STXBP2: variants seen among roughly 807,000 people sequenced by gnomAD.
STXBP2 encodes syntaxin binding protein 2, also known as syntaxin-binding protein 2.
Under a neutral mutation model 72.2 loss-of-function variants are expected in STXBP2, and 47 were observed. The observed-to-expected ratio is 0.65, with a 90% CI of 0.51 to 0.83. STXBP2 has a LOEUF of 0.83. Ranked by LOEUF, STXBP2 falls within the 40% of genes least tolerant of loss-of-function variation. The pLI, the probability that STXBP2 is intolerant of heterozygous loss-of-function variation, is 0.00. For synonymous variants in STXBP2, 367 were observed against 338.7 expected, an observed-to-expected ratio of 1.08 and a Z score of -0.92; for missense variants, 702 against 807.6, an observed-to-expected ratio of 0.87 and a Z score of 1.58.
At chr19:7,637,542 G>T (rs760474637) in intron 1 of STXBP2, among the ~76,000 whole-genome samples, 6 of 152,018 alleles carry the variant, frequency 3.9e-5, no homozygotes, top group Non-Finnish European at 8.8e-5. Flanking sequence ...AAAGTTCAGG[G>T]GCTGGATTCT....
chr19:7,646,083 T>C (rs570232399), intron 15 of STXBP2, 166 bp from the exon 16 acceptor site: 42 of 628,860 alleles, frequency 6.7e-5, no homozygotes, highest in East Asian at 4.7e-4. Context: ...GGCTCACTGT[T>C]TCTCTCTCTC....
In STXBP2 at chr19:7,640,953, G is replaced by A. The variant is rs764141843; in HGVS notation, c.379G>A (p.Val127Met). 12 of 1,614,210 alleles carry A rather than the reference G, an allele frequency of 7.4e-6. No homozygotes were observed. Among genetic ancestry groups the A allele is most frequent in the East Asian group, 4.5e-5 (2 of 44,890 alleles). The change falls in exon 6 of 19, where the codon GTG (valine) becomes ATG (methionine). Residue 127 changes from valine to methionine, a missense_variant. Coordinates refer to ENST00000221283, the MANE Select transcript of STXBP2 (RefSeq NM_006949.4). ...ELGRSRLAKV[V>M]KTLKEIHLAF... The stretch of plus-strand genomic sequence containing the variant: ...AGGCCGCTCTCGTCTGGCAAAGGTG[G>A]TGAAGACGTTGAAGGAGATTCACCT...
chr19:7,633,413 A>G, upstream of STXBP2: 3 of 1,570,836 alleles, frequency 1.9e-6, no homozygotes, highest in Non-Finnish European at 1.7e-6. Flanking sequence ...TCACCTCGGC[A>G]CAGGGGCCTG....
chr19:7,644,428 G>A, intron 13 of STXBP2, 186 bp from the exon 14 acceptor site: 1 of 720,830 alleles, frequency 1.4e-6, no homozygotes, highest in Admixed American at 2.5e-5. Context: ...TGGGACCTGG[G>A]TGAGGAGCAG....
At chr19:7,643,532 A>G (rs2031981961) in intron 13 of STXBP2, among the ~76,000 whole-genome samples, 1 of 150,500 alleles carries the variant, frequency 6.6e-6, no homozygotes, top group Non-Finnish European at 1.5e-5. Context: ...AATGTGGCCT[A>G]TTCATAGGTG....
chr19:7,629,849 G>C, the STXBP2 span: 1 of 1,535,566 alleles, frequency 6.5e-7, no homozygotes, highest in Non-Finnish European at 8.7e-7. Context: ...GGTGAAGCTG[G>C]AGATATTTCG....
At chr19:7,630,238 C>T in the STXBP2 span, 6 of 450,924 alleles carry the variant, frequency 1.3e-5, no homozygotes, top group African/African-American at 8.0e-5. Context: ...GTGACGCCTC[C>T]TGGGTTTGGG....
the STXBP2 span, chr19:7,630,559 C>T: frequency 6.5e-7 from 1 of 1,532,696 alleles, no homozygotes; most frequent in Non-Finnish European, 8.8e-7. Context: ...CTCACCCACC[C>T]TCTGCCATTC....
chr19:7,645,589 G>GGGAGGGA (rs1457947155), intron 15 of STXBP2, among the ~76,000 whole-genome samples: 10 of 107,912 alleles, frequency 9.3e-5, no homozygotes, highest in Admixed American at 8.6e-4. Context: ...GAGTGCTAGA[G>GGGAGGGA]GCAGGGAGTA....
chr19:7,643,180 C>T lies in STXBP2; in HGVS notation c.1042C>T (p.His348Tyr), dbSNP rs2031966598. The change falls in exon 13 of 19, where the codon CAT becomes TAT. Residue 348 changes from histidine (H) to tyrosine (Y), a missense_variant. His to Tyr is a moderately conservative substitution (Grantham distance 83). Transcript: ENST00000221283. ...CACCCTGCAGTATTCTACGCACCTG[C>T]ATCTAGCAGATGATTGTATGAAGCA... ...KELNKYSTHL[H>Y]LADDCMKHFK... 1 of 1,614,154 alleles carries T rather than the reference C, an allele frequency of 6.2e-7. No individual in the cohort carries two copies. Among genetic ancestry groups the T allele is most frequent in the Non-Finnish European group, 8.5e-7 (1 of 1,180,030 alleles).
upstream of STXBP2, chr19:7,632,182 A>G: frequency 1.3e-6 from 1 of 755,640 alleles, no homozygotes; most frequent in South Asian, 2.0e-5. The surrounding 1 kb of genome is among the most constrained non-coding windows in gnomAD (Gnocchi z 5.2). Context: ...AGGAGCCACA[A>G]GTTCCAGCCA....
the STXBP2 span, chr19:7,631,649 GT>G: frequency 6.9e-7 from 1 of 1,454,334 alleles, no homozygotes; most frequent in Admixed American, 2.3e-5. Context: ...TCTTTTATCA[GT>G]TTTTGGGGGC....
At chr19:7,631,924 T>C, upstream of STXBP2, 1 of 1,072,702 alleles carries the variant, frequency 9.3e-7, no homozygotes, top group African/African-American at 1.6e-5. Context: ...TTGTGAGCAC[T>C]GGTCTATGTT....
chr19:7,639,116 C>T lies in STXBP2; in HGVS notation c.169+16C>T, dbSNP rs780027532. ...GGCATCACCAGTGAGTGAACGCGTC[C>T]CCAGTGAGATGGGACCTGAGCGTGG... On this transcript the variant is annotated intron_variant, in intron 3 of 18. Coordinates refer to ENST00000221283, the MANE Select transcript of STXBP2 (RefSeq NM_006949.4). The T allele has an allele frequency of 6.2e-7, 1 of 1,613,782 alleles. No homozygotes were observed. The highest frequency in any genetic ancestry group is 8.5e-7 in the Non-Finnish European group (1 of 1,179,798).
the STXBP2 span, chr19:7,629,937 G>A: frequency 1.4e-6 from 2 of 1,410,916 alleles, no homozygotes; most frequent in Non-Finnish European, 9.3e-7. Context: ...GGAAATGGGG[G>A]GACTTCAAAG....
In STXBP2 at chr19:7,647,192, C is replaced by A; in HGVS notation, c.1483C>A (p.Leu495Met). Residue 495 changes from leucine to methionine, a missense_variant, in exon 17 of 19, where the codon CTG becomes ATG. By Grantham distance (15) the Leu-to-Met change is conservative. Transcript: ENST00000221283. ...DAVEDRLDRN[L>M]WPFVSDPAPT... Reference sequence around the variant, plus strand: ...CGTGGAGGACCGGCTGGACAGGAACCTGTGGCCCTTCGTATCCGACCCCGC... The same window carrying A: ...CGTGGAGGACCGGCTGGACAGGAACATGTGGCCCTTCGTATCCGACCCCGC... 6.2e-7 allele frequency: 1 copy of A among 1,612,066 alleles called. No homozygotes were observed. The highest frequency in any genetic ancestry group is 1.7e-5 in the Admixed American group (1 of 60,016).
intron 15 of STXBP2, 131 bp downstream of exon 15, chr19:7,645,437 A>G (rs2032095198): frequency 2.3e-6 from 2 of 882,568 alleles, no homozygotes; most frequent in Admixed American, 2.2e-5. Context: ...TGGGAGGCCA[A>G]AAGCAGTGTT....
the STXBP2 span, chr19:7,631,517 G>A: frequency 2.0e-6 from 3 of 1,536,218 alleles, no homozygotes; most frequent in Non-Finnish European, 2.6e-6. Context: ...GGAAGCGGCG[G>A]GAGGAGAAGC....
In STXBP2 at chr19:7,647,787, C is replaced by G. The variant is rs756684008; in HGVS notation, c.1759C>G (p.Leu587Val). 49 of 1,613,954 alleles carry G rather than the reference C, an allele frequency of 3.0e-5. No individual in the cohort carries two copies. In the African/African-American group the frequency reaches 5.6e-4, roughly 18 times the overall value. The change falls in exon 19 of 19, where the codon CTG becomes GTG. Residue 587 changes from leucine (L) to valine (V), a missense_variant. Coordinates refer to ENST00000221283, the MANE Select transcript of STXBP2 (RefSeq NM_006949.4). ...TGACCTGAAGGCACTGGACAAGAAG[C>G]TGGAGGACATTGCCCTGCCCTGACC... ...LDDLKALDKK[L>V]EDIALP
Sources: gnomAD v4.1 joint callset for allele counts (sites outside exome capture counted in the v4.1 genomes callset) on GRCh38, gnomAD v4.1.1 for gene constraint, Gnocchi (gnomAD v3.1) non-coding constraint, MANE v1.5 for transcripts, NCBI Gene and HGNC (gene_info 2026-07-23, HGNC 2026-07-21) for gene names.